Variants in OXCT1 observed in about 807,000 individuals in gnomAD.
OXCT1 encodes the protein 3-oxoacid CoA-transferase 1.
A neutral mutation model predicts 69.6 loss-of-function variants in OXCT1; 27 were observed. The observed-to-expected ratio is 0.39, with a 90% CI of 0.29 to 0.54. OXCT1 has a LOEUF of 0.54. Ranked by LOEUF, OXCT1 falls within the 20% of genes least tolerant of loss-of-function variation. OXCT1 has a pLI of 0.72. For synonymous variants in OXCT1, 202 were observed against 217.8 expected (o/e 0.93, Z 0.64); for missense variants, 437 against 650.2 (o/e 0.67, Z 3.57).
chr5:41,865,618 T>C (rs1439586386), intron 1 of OXCT1, among the ~76,000 whole-genome samples: 1 of 152,208 alleles, frequency 6.6e-6, no homozygotes, highest in Non-Finnish European at 1.5e-5. Flanking sequence ...TAGTGTGCCA[T>C]AATAGATCAT....
chr5:41,771,984 T>A (rs1744891736), intron 13 of OXCT1, among the ~76,000 whole-genome samples: 1 of 152,226 alleles, frequency 6.6e-6, no homozygotes. Context: ...ACATAATTTT[T>A]TAAAGGTTTA....
chr5:41,791,741 A>T (rs1015715938), intron 13 of OXCT1, among the ~76,000 whole-genome samples: 5 of 152,158 alleles, frequency 3.3e-5, no homozygotes, highest in African/African-American at 1.2e-4. Context: ...GCTTTTGTTC[A>T]TAGGACCCAA....
At chr5:41,862,772 ATTG>A in intron 1 of OXCT1, 22 bp from the exon 2 acceptor site, 11 of 1,348,030 alleles carry the variant, frequency 8.2e-6, no homozygotes, top group Non-Finnish European at 1.2e-5. Context: ...AAAAAAAAAA[ATTG>A]ATAATCATTT....
chr5:41,745,848 A>T (rs1176137319), intron 15 of OXCT1, among the ~76,000 whole-genome samples: 3 of 152,194 alleles, frequency 2.0e-5, no homozygotes, highest in Non-Finnish European at 4.4e-5. Context: ...AGACTAAACC[A>T]GGAAGAAGTT....
chr5:41,836,925 A>G lies in OXCT1; in HGVS notation c.732+3526T>C, dbSNP rs371175749. Among the ~76,000 whole-genome samples the G allele has an allele frequency of 3.2e-4, 48 of 152,290 alleles. 1 individual carries two copies. In the South Asian group the frequency reaches 9.7e-3, roughly 31 times the overall value. On this transcript the variant is annotated intron_variant, in intron 7 of 16. Transcript: ENST00000196371. Reference sequence around the variant, plus strand: ...TTTCCCTTTTGCAGAGTCTAGAAATAAGTAACATCAAGGACAATTTGATTT... The same window carrying G: ...TTTCCCTTTTGCAGAGTCTAGAAATGAGTAACATCAAGGACAATTTGATTT...
intron 13 of OXCT1, among the ~76,000 whole-genome samples, chr5:41,787,263 A>C (rs1213430038): frequency 6.6e-6 from 1 of 152,240 alleles, no homozygotes; most frequent in Non-Finnish European, 1.5e-5. Context: ...TAATGATATT[A>C]AACAGTTAGA....
At chr5:41,800,924 G>T in intron 11 of OXCT1, 98 bp downstream of exon 11, 1 of 987,846 alleles carries the variant, frequency 1.0e-6, no homozygotes, top group Non-Finnish European at 1.6e-6. Context: ...GAATACCATG[G>T]AGTGCTCTCC....
At chr5:41,850,005 T>C (rs533889183) in intron 5 of OXCT1, 25 bp downstream of exon 5, 4 of 1,612,976 alleles carry the variant, frequency 2.5e-6, no homozygotes, top group African/African-American at 1.3e-5. Flanking sequence ...GATCCTGGTA[T>C]AATCTGGTTA....
At chr5:41,786,966 T>C (rs1745667418) in intron 13 of OXCT1, among the ~76,000 whole-genome samples, 1 of 152,186 alleles carries the variant, frequency 6.6e-6, no homozygotes, top group South Asian at 2.1e-4. Context: ...AATGATTAAA[T>C]GCCCTCCTGA....
chr5:41,751,251 T>C (rs934175998), intron 14 of OXCT1, among the ~76,000 whole-genome samples: 3 of 152,150 alleles, frequency 2.0e-5, no homozygotes, highest in Non-Finnish European at 4.4e-5. Flanking sequence ...AACTGAACTA[T>C]CTGCCAGCCA....
chr5:41,784,811 A>G (rs1024093489), intron 13 of OXCT1, among the ~76,000 whole-genome samples: 2 of 152,192 alleles, frequency 1.3e-5, no homozygotes, highest in Non-Finnish European at 2.9e-5. Flanking sequence ...TAAAAAATAG[A>G]TTTAGAATTT....
intron 16 of OXCT1, among the ~76,000 whole-genome samples, chr5:41,733,126 C>T (rs575084368): frequency 8.5e-5 from 13 of 152,082 alleles, no homozygotes; most frequent in South Asian, 8.3e-4. Context: ...ATCACACATA[C>T]GCACAGATTT....
At chr5:41,737,944 G>A (rs1742970760) in intron 16 of OXCT1, among the ~76,000 whole-genome samples, 1 of 152,020 alleles carries the variant, frequency 6.6e-6, no homozygotes, top group Non-Finnish European at 1.5e-5. Flanking sequence ...AGTCCCAGCT[G>A]CTGGGGAGGC....
At chr5:41,815,873 T>C (rs1020596481) in intron 7 of OXCT1, among the ~76,000 whole-genome samples, 1 of 152,184 alleles carries the variant, frequency 6.6e-6, no homozygotes, top group African/African-American at 2.4e-5. Context: ...GGCTGCCTAT[T>C]GGTAATGCCA....
In OXCT1 at chr5:41,870,306, C is replaced by T; in HGVS notation, c.53G>A (p.Arg18His). The T allele has an allele frequency of 6.2e-7, 1 of 1,613,916 alleles. No homozygotes were observed. Among genetic ancestry groups the T allele is most frequent in the Non-Finnish European group, 8.5e-7 (1 of 1,179,834 alleles). ...CTTGTACCAGGTTGCCCCAGATCCG[C>T]GGGCAGAGGCGCAGAGCCGAAGCCC... ...SSGLRLCASA[R>H]GSGATWYKGC... The change falls in exon 1 of 17, where the codon CGC (arginine) becomes CAC (histidine). Residue 18 changes from arginine to histidine, a missense_variant. Physicochemically the swap from Arg to His is conservative, Grantham distance 29. This residue lies in a region of OXCT1 where 79 missense variants were observed against 61.5 expected (regional missense o/e 1.28). Transcript: ENST00000196371. The surrounding 1 kb of genome is among the most constrained non-coding windows in gnomAD (Gnocchi z 4.2).
At chr5:41,763,632 A>G (rs770873907) in intron 13 of OXCT1, among the ~76,000 whole-genome samples, 1 of 152,108 alleles carries the variant, frequency 6.6e-6, no homozygotes, top group Non-Finnish European at 1.5e-5. Context: ...CTATGATAAA[A>G]TGTGTCAATC....
In OXCT1 at chr5:41,762,257, A is replaced by C. The variant is rs1287314881; in HGVS notation, c.1249-57T>G. 2 of 1,323,782 alleles carry C rather than the reference A, an allele frequency of 1.5e-6. No individual in the cohort carries two copies. The highest frequency in any genetic ancestry group is 2.2e-6 in the Non-Finnish European group (2 of 915,286). 82.0% of individuals were successfully genotyped at this position (1,323,782 alleles called of 1,614,324 possible). ...TTTCACTTCTTTTGTATGTGACAGA[A>C]CAAAATTAACTTGCAAAAATAAGCT... is the stretch of plus-strand genomic sequence containing the variant. On this transcript the variant is annotated intron_variant, in intron 13 of 16. Transcript: ENST00000196371. This position sits in a 1 kb window ranked among gnomAD's most constrained non-coding sequence, Gnocchi z 4.0.
At chr5:41,848,321 T>A (rs1285508580) in intron 5 of OXCT1, among the ~76,000 whole-genome samples, 2 of 149,266 alleles carry the variant, frequency 1.3e-5, no homozygotes, top group Non-Finnish European at 3.0e-5. Context: ...TGCTCATGGG[T>A]AGGAAGAATC....
At chr5:41,797,430 G>A (rs181437390) in intron 11 of OXCT1, among the ~76,000 whole-genome samples, 12 of 152,292 alleles carry the variant, frequency 7.9e-5, no homozygotes, top group African/African-American at 2.9e-4. Flanking sequence ...ACAAAAATAA[G>A]TATCCTAAAA....
Sources: allele counts gnomAD v4.1 joint callset (sites outside exome capture counted in the v4.1 genomes callset), GRCh38; gene constraint gnomAD v4.1.1; regional missense constraint gnomAD v4.1.1; non-coding constraint Gnocchi (gnomAD v3.1); transcripts MANE v1.5; gene names NCBI Gene and HGNC (gene_info 2026-07-23, HGNC 2026-07-21).